Variants in DENR observed in about 807,000 individuals in gnomAD.
The protein encoded by DENR is density-regulated protein.
In DENR, 6 loss-of-function variants were observed where a neutral mutation model predicts 30.6. That is an observed-to-expected ratio of 0.20 (90% CI 0.11 to 0.39). The LOEUF is 0.39. Among genes scored for constraint, DENR ranks in the 10% least tolerant of loss-of-function variants. DENR has a pLI of 1.00. For missense variants in DENR, 141 were observed against 230.9 expected, an observed-to-expected ratio of 0.61 and a Z score of 2.52; for synonymous variants, 78 against 72.1, an observed-to-expected ratio of 1.08 and a Z score of -0.41.
intron 2 of DENR, among the ~76,000 whole-genome samples, chr12:122,761,402 A>G (rs536785695): frequency 1.3e-5 from 2 of 151,982 alleles, no homozygotes; most frequent in Non-Finnish European, 2.9e-5. Flanking sequence ...AAAGAGCAAG[A>G]CTCTGTCTCA....
At chr12:122,760,600 G>A (rs1159749258) in intron 2 of DENR, among the ~76,000 whole-genome samples, 2 of 152,130 alleles carry the variant, frequency 1.3e-5, no homozygotes, top group East Asian at 1.9e-4. Flanking sequence ...GCGCGGTGGC[G>A]GGCACCTGTA....
intron 4 of DENR, among the ~76,000 whole-genome samples, chr12:122,763,668 G>A (rs568309159): frequency 1.3e-5 from 2 of 152,020 alleles, no homozygotes; most frequent in Non-Finnish European, 2.9e-5. Flanking sequence ...ACCATTGCAC[G>A]CCAGCCTGGG....
chr12:122,761,599 C>A (rs1465569679), intron 2 of DENR, among the ~76,000 whole-genome samples: 1 of 152,124 alleles, frequency 6.6e-6, no homozygotes, highest in Non-Finnish European at 1.5e-5. Flanking sequence ...ATAGGTAGAT[C>A]GCTTAAGCCC....
At chr12:122,764,220 AGAT>A (rs1406630300) in intron 4 of DENR, among the ~76,000 whole-genome samples, 2 of 152,166 alleles carry the variant, frequency 1.3e-5, no homozygotes, top group Non-Finnish European at 2.9e-5. Context: ...GCTCTTAGTT[AGAT>A]GATGAGCTCT....
chr12:122,764,509 A>T (rs961460514), intron 4 of DENR, among the ~76,000 whole-genome samples: 1 of 152,150 alleles, frequency 6.6e-6, no homozygotes, highest in Non-Finnish European at 1.5e-5. Flanking sequence ...CTGAGGCAGG[A>T]GAATGGCGTG....
chr12:122,765,652 C>T (rs535380964), intron 5 of DENR, among the ~76,000 whole-genome samples: 3 of 152,210 alleles, frequency 2.0e-5, no homozygotes, highest in Non-Finnish European at 2.9e-5. Flanking sequence ...AGGTTCCCAA[C>T]ATTAATACCA....
chr12:122,761,085 C>T (rs1459564788), intron 2 of DENR, among the ~76,000 whole-genome samples: 1 of 151,986 alleles, frequency 6.6e-6, no homozygotes, highest in African/African-American at 2.4e-5. Flanking sequence ...TACACTCCAG[C>T]CTGAGTGACA....
chr12:122,769,589 C>T lies in DENR; in HGVS notation c.*511C>T, dbSNP rs1315495376. On this transcript the variant is annotated 3_prime_UTR_variant, in exon 8 of 8. Transcript: ENST00000280557. ...TGGTGCGATCTCGGCTCACTGCAAC[C>T]TCCGCCTCCCGGGTTCAAGTGATTC... 7.0e-6 allele frequency: 4 copies of T among 570,448 alleles called. No individual in the cohort carries two copies. In the South Asian group the frequency reaches 1.3e-4, roughly 19 times the overall value. The allele number at this position is 570,448 out of a possible 1,614,324, so 35.3% of individuals were successfully genotyped here.
At chr12:122,759,324 C>CAAATA (rs2135509290) in intron 2 of DENR, among the ~76,000 whole-genome samples, 1 of 152,248 alleles carries the variant, frequency 6.6e-6, no homozygotes, top group South Asian at 2.1e-4. Flanking sequence ...TTTCCCTTTC[C>CAAATA]AAATAAGTAA....
rs1036034806 is a variant in DENR, at chr12:122,770,377, G to C, written c.*1299G>C. On this transcript the variant is annotated 3_prime_UTR_variant, in exon 8 of 8. Coordinates refer to ENST00000280557, the MANE Select transcript of DENR (RefSeq NM_003677.5). ...TCTAAGATTATTTGGAAGCATGTTTGGTAATGTCAAGTGGAGTACCCCAGA... is the reference window on the plus strand; with the variant it reads ...TCTAAGATTATTTGGAAGCATGTTTCGTAATGTCAAGTGGAGTACCCCAGA... The C allele has an allele frequency of 1.3e-5, 5 of 372,370 alleles. No homozygotes were observed. Among genetic ancestry groups the C allele is most frequent in the Non-Finnish European group, 1.9e-5 (4 of 210,446 alleles). The allele number at this position is 372,370 out of a possible 1,614,324, so 23.1% of individuals were successfully genotyped here. A position where few individuals can be genotyped will look rare whatever the true frequency, so the allele number is the denominator to read the frequency against.
At chr12:122,758,630 C>A (rs1878612836) in intron 2 of DENR, among the ~76,000 whole-genome samples, 1 of 151,998 alleles carries the variant, frequency 6.6e-6, no homozygotes, top group South Asian at 2.1e-4. Context: ...CATAGTGAGA[C>A]CCTGCCTCTA....
intron 2 of DENR, chr12:122,754,083 A>T: frequency 4.7e-6 from 2 of 429,390 alleles, no homozygotes; most frequent in Non-Finnish European, 8.7e-6. Flanking sequence ...GGTGTATGCT[A>T]GTCTAGCTGT....
chr12:122,770,180 CATT>C lies in DENR; in HGVS notation c.*1104_*1106del, dbSNP rs1878998065. The C allele has an allele frequency of 6.5e-6, 1 of 153,286 alleles. No individual in the cohort carries two copies. The highest frequency in any genetic ancestry group is 2.1e-4 in the South Asian group (1 of 4,824). 9.5% of individuals were successfully genotyped at this position (153,286 alleles called of 1,614,324 possible). ...AAGCCACTTCTTTGACATTAGAAGA[CATT>C]AGAAGAAATAATCAGCCTTGCATAA... On this transcript the variant is annotated 3_prime_UTR_variant, in exon 8 of 8. Coordinates refer to ENST00000280557, the MANE Select transcript of DENR (RefSeq NM_003677.5).
Position 122,770,695 on chromosome 12 carries a change from A to G in DENR, c.*1617A>G. On this transcript the variant is annotated 3_prime_UTR_variant, in exon 8 of 8. Coordinates refer to ENST00000280557, the MANE Select transcript of DENR (RefSeq NM_003677.5). Reference sequence around the variant, plus strand: ...AAGTTGCTGTGGACACTTTTAAGAAACTTAGAACCCATGGAACCCTTGTTT... The same window carrying G: ...AAGTTGCTGTGGACACTTTTAAGAAGCTTAGAACCCATGGAACCCTTGTTT... The G allele has an allele frequency of 2.5e-6, 1 of 398,552 alleles. No homozygotes were observed. Among genetic ancestry groups the G allele is most frequent in the Non-Finnish European group, 4.4e-6 (1 of 226,034 alleles). The allele number at this position is 398,552 out of a possible 1,614,324, so 24.7% of individuals were successfully genotyped here. A position where few individuals can be genotyped will look rare whatever the true frequency, so the allele number is the denominator to read the frequency against.
intron 2 of DENR, among the ~76,000 whole-genome samples, chr12:122,756,650 A>G (rs1364779456): frequency 6.6e-6 from 1 of 152,158 alleles, no homozygotes; most frequent in African/African-American, 2.4e-5. Context: ...TGGAGGTAGG[A>G]AAGTATTTAA....
intron 2 of DENR, among the ~76,000 whole-genome samples, chr12:122,759,689 C>T (rs967897963): frequency 1.3e-5 from 2 of 152,156 alleles, no homozygotes; most frequent in Non-Finnish European, 2.9e-5. Flanking sequence ...CCATTGCACT[C>T]CAGCCTGGGC....
chr12:122,756,010 A>ATT (rs1878540490), intron 2 of DENR, among the ~76,000 whole-genome samples: 1 of 152,208 alleles, frequency 6.6e-6, no homozygotes, highest in Non-Finnish European at 1.5e-5. Context: ...ATAATCAACA[A>ATT]TTTACAAAGA....
At chr12:122,760,527 C>T (rs375471706) in intron 2 of DENR, among the ~76,000 whole-genome samples, 6 of 151,086 alleles carry the variant, frequency 4.0e-5, no homozygotes, top group South Asian at 2.1e-4. Flanking sequence ...GTCAGGAGAT[C>T]GAGACCATCC....
intron 6 of DENR, among the ~76,000 whole-genome samples, chr12:122,767,939 T>C (rs1194940048): frequency 6.6e-6 from 1 of 152,184 alleles, no homozygotes; most frequent in African/African-American, 2.4e-5. Flanking sequence ...GCAAAATGGC[T>C]CATCCCCTCT....
Sources: gnomAD v4.1 joint callset for allele counts (sites outside exome capture counted in the v4.1 genomes callset) on GRCh38, gnomAD v4.1.1 for gene constraint, MANE v1.5 for transcripts, NCBI Gene and HGNC (gene_info 2026-07-23, HGNC 2026-07-21) for gene names.